The following ITSN1 variants were observed in gnomAD, a reference collection of about 807,000 sequenced individuals.
ITSN1 encodes the protein intersectin-1.
In ITSN1, 58 loss-of-function variants were observed where a neutral mutation model predicts 239.8. The ratio of observed to expected loss-of-function variants is 0.24; its 90% CI spans 0.20 to 0.30. The LOEUF (loss-of-function observed/expected upper bound fraction) is 0.30, where lower values mean the gene tolerates loss of function less well. ITSN1 is among the 10% of genes least tolerant of loss of function. ITSN1 has a pLI of 1.00. For missense variants in ITSN1, 1,558 were observed against 2,103.3 expected (o/e 0.74, Z 5.07); for synonymous variants, 780 against 770.8 (o/e 1.01, Z -0.20).
chr21:33,745,103 A>G (rs537982439), intron 5 of ITSN1, among the ~76,000 whole-genome samples: 36 of 152,340 alleles, frequency 2.4e-4, no homozygotes, highest in African/African-American at 7.9e-4. Flanking sequence ...TTAAGCATCA[A>G]TGACTGCCAA....
At chr21:33,884,955 CAG>C in intron 36 of ITSN1, 84 bp from the exon 37 acceptor site, 1 of 909,792 alleles carries the variant, frequency 1.1e-6, no homozygotes, top group South Asian at 1.4e-5. Flanking sequence ...AACAAAGAAA[CAG>C]AGTCCTGGCA....
chr21:33,871,778 G>C (rs149117382), intron 33 of ITSN1, among the ~76,000 whole-genome samples: 2 of 152,106 alleles, frequency 1.3e-5, no homozygotes, highest in East Asian at 3.9e-4. Flanking sequence ...AGAACTTGAA[G>C]TTGCTGAGAG....
intron 16 of ITSN1, among the ~76,000 whole-genome samples, chr21:33,784,801 G>C (rs913898376): frequency 6.6e-6 from 1 of 152,160 alleles, no homozygotes; most frequent in Admixed American, 6.5e-5. Context: ...TGTAACTTTA[G>C]AGCATGTGTC....
At chr21:33,849,108 G>A (rs907537192) in intron 29 of ITSN1, among the ~76,000 whole-genome samples, 7 of 152,034 alleles carry the variant, frequency 4.6e-5, no homozygotes, top group Non-Finnish European at 8.8e-5. Flanking sequence ...GGGCGTGGTG[G>A]CATGTGCTTG....
intron 8 of ITSN1, among the ~76,000 whole-genome samples, 190 bp from the exon 9 acceptor site, chr21:33,761,733 T>G (rs1257468607): frequency 6.6e-6 from 1 of 152,234 alleles, no homozygotes; most frequent in Non-Finnish European, 1.5e-5. Flanking sequence ...TGCTGTGCTC[T>G]GTGTTTCTCC....
intron 33 of ITSN1, among the ~76,000 whole-genome samples, chr21:33,868,537 A>C (rs1023651158): frequency 3.9e-5 from 6 of 151,918 alleles, no homozygotes; most frequent in Non-Finnish European, 7.4e-5. Flanking sequence ...GACCCAGTAC[A>C]CCCTCCGCAG....
chr21:33,698,232 G>A (rs192639872), intron 1 of ITSN1, among the ~76,000 whole-genome samples: 2 of 152,224 alleles, frequency 1.3e-5, no homozygotes, highest in Admixed American at 6.5e-5. Context: ...GGGACAAATC[G>A]TCCGAAATGC....
chr21:33,773,152 GC>G lies in ITSN1; in HGVS notation c.1305+832del, dbSNP rs1218983822. On this transcript the variant is annotated intron_variant, in intron 12 of 39. Transcript: ENST00000381318. Reference sequence around the variant, plus strand: ...CTCCTGAGTAGCTGGGATTACAGGTGCCCGCCACCACGCCCAGCTAATATTT... The same window carrying G: ...CTCCTGAGTAGCTGGGATTACAGGTGCCGCCACCACGCCCAGCTAATATTT... 3.9e-5 allele frequency among the ~76,000 whole-genome samples: 6 copies of G among 151,976 alleles called. No individual in the cohort carries two copies. The East Asian group carries it at 9.7e-4, about 25-fold the overall frequency.
At chr21:33,884,723 G>A (rs1178258691) in intron 36 of ITSN1, among the ~76,000 whole-genome samples, 1 of 152,144 alleles carries the variant, frequency 6.6e-6, no homozygotes, top group African/African-American at 2.4e-5. Context: ...AGGCAAATAT[G>A]TGCTGCTCTT....
At chr21:33,730,845 G>A (rs879858077) in intron 4 of ITSN1, among the ~76,000 whole-genome samples, 4 of 151,770 alleles carry the variant, frequency 2.6e-5, no homozygotes, top group Non-Finnish European at 4.4e-5. Flanking sequence ...GACTACAGGC[G>A]CCCGCGTGCC....
In ITSN1 at chr21:33,832,958, A is replaced by G. The variant is rs140297554; in HGVS notation, c.3352-1349A>G. The stretch of plus-strand genomic sequence containing the variant: ...AAGGGGATATAAATGTCTCCCTCCC[A>G]CCTTGTCCCCAGAGGTGGCTGTTTC... On this transcript the variant is annotated intron_variant, in intron 27 of 39. Transcript: ENST00000381318. 4.9e-4 allele frequency among the ~76,000 whole-genome samples: 75 copies of G among 152,092 alleles called. 1 individual carries two copies. In the East Asian group the frequency reaches 0.014, roughly 29 times the overall value.
At chr21:33,869,728 A>T (rs2148514390) in intron 33 of ITSN1, among the ~76,000 whole-genome samples, 1 of 152,152 alleles carries the variant, frequency 6.6e-6, no homozygotes, top group Middle Eastern at 3.4e-3. Flanking sequence ...GTTCCTTTTA[A>T]TGGAAAATGG....
chr21:33,718,678 A>G (rs1036099608), intron 1 of ITSN1, 119 bp from the exon 2 acceptor site: 17 of 694,598 alleles, frequency 2.4e-5, no homozygotes, highest in Non-Finnish European at 4.3e-5. Context: ...CCTTAATTGT[A>G]GAGCTATGCT....
intron 22 of ITSN1, 88 bp from the exon 23 acceptor site, chr21:33,818,179 C>A: frequency 2.8e-6 from 3 of 1,081,562 alleles, no homozygotes; most frequent in Non-Finnish European, 4.2e-6. Flanking sequence ...CTGGCCTGTG[C>A]TTGTTGGAGA....
In ITSN1 at chr21:33,868,723, G is replaced by C. The variant is rs1476357008; in HGVS notation, c.4173+1392G>C. 5.9e-5 allele frequency among the ~76,000 whole-genome samples: 9 copies of C among 152,328 alleles called. No individual in the cohort carries two copies. The East Asian group carries it at 1.4e-3, about 23-fold the overall frequency. Reference sequence around the variant, plus strand: ...CCCTCCACACCTCCCTGCAAGCTGAGGGAGGGGGCTTCGGCCTTGGCCAGC... The same window carrying C: ...CCCTCCACACCTCCCTGCAAGCTGACGGAGGGGGCTTCGGCCTTGGCCAGC... On this transcript the variant is annotated intron_variant, in intron 33 of 39. Transcript: ENST00000381318.
At chr21:33,811,311 G>A (rs2072900071) in intron 21 of ITSN1, 89 bp downstream of exon 21, 1 of 1,328,816 alleles carries the variant, frequency 7.5e-7, no homozygotes. Flanking sequence ...CATAGTCTTG[G>A]ATTGTCCTTC....
intron 5 of ITSN1, among the ~76,000 whole-genome samples, chr21:33,747,900 A>G (rs2067278646): frequency 6.6e-6 from 1 of 152,256 alleles, no homozygotes; most frequent in African/African-American, 2.4e-5. Context: ...AATGAAGAGC[A>G]TCAAAAATGG....
chr21:33,839,395 A>T (rs1602550421), intron 29 of ITSN1, among the ~76,000 whole-genome samples: 1 of 151,928 alleles, frequency 6.6e-6, no homozygotes, highest in South Asian at 2.1e-4. Context: ...GGGGAGTGCC[A>T]TTTGAGCTGA....
intron 1 of ITSN1, among the ~76,000 whole-genome samples, chr21:33,682,115 T>C (rs917522944): frequency 6.6e-6 from 1 of 151,952 alleles, no homozygotes; most frequent in African/African-American, 2.4e-5. Context: ...ATTTTAAATA[T>C]GCATTAAATA....
Sources: gnomAD v4.1 joint callset for allele counts (sites outside exome capture counted in the v4.1 genomes callset) on GRCh38, gnomAD v4.1.1 for gene constraint, MANE v1.5 for transcripts, NCBI Gene and HGNC (gene_info 2026-07-23, HGNC 2026-07-21) for gene names.